The following GRIP1 variants were observed in gnomAD, a reference collection of about 807,000 sequenced individuals.
GRIP1 encodes glutamate receptor-interacting protein 1.
Under a neutral mutation model 129.9 loss-of-function variants are expected in GRIP1, and 45 were observed. The ratio of observed to expected loss-of-function variants is 0.35; its 90% CI spans 0.27 to 0.44. The LOEUF is 0.44. Ranked by LOEUF, GRIP1 falls within the 20% of genes least tolerant of loss-of-function variation. The pLI is 1.00. For missense variants in GRIP1, 1,196 were observed against 1,396.8 expected, an observed-to-expected ratio of 0.86 and a Z score of 2.29; for synonymous variants, 530 against 520.8, an observed-to-expected ratio of 1.02 and a Z score of -0.24.
intron 7 of GRIP1, among the ~76,000 whole-genome samples, chr12:66,515,366 A>C (rs1592463628): frequency 1.3e-5 from 2 of 152,162 alleles, no homozygotes; most frequent in Admixed American, 1.3e-4. Flanking sequence ...CACATAGAAG[A>C]GCTGATTGCT....
At chr12:66,775,613 A>G (rs930168519) in intron 1 of GRIP1, among the ~76,000 whole-genome samples, 1 of 152,134 alleles carries the variant, frequency 6.6e-6, no homozygotes, top group Non-Finnish European at 1.5e-5. Flanking sequence ...TCTGTGGTCA[A>G]TCAGCTATAA....
At chr12:67,019,839 C>T (rs944430986) in intron 1 of GRIP1, among the ~76,000 whole-genome samples, 1 of 152,020 alleles carries the variant, frequency 6.6e-6, no homozygotes, top group Non-Finnish European at 1.5e-5. Flanking sequence ...CACATACACA[C>T]ACGAAAGATT....
At chr12:66,877,165 C>G (rs914926118) in intron 1 of GRIP1, among the ~76,000 whole-genome samples, 1 of 151,908 alleles carries the variant, frequency 6.6e-6, no homozygotes, top group Non-Finnish European at 1.5e-5. Context: ...CACCTGTAAC[C>G]GACAGCATTT....
At position 66,496,691 on chromosome 12, in the gene GRIP1, A is replaced by G. The variant is rs2060247291; in HGVS notation, c.724+18928T>C. 2.0e-5 allele frequency among the ~76,000 whole-genome samples: 3 copies of G among 152,176 alleles called. 1 individual carries two copies. In the South Asian group the frequency reaches 6.2e-4, roughly 32 times the overall value. On this transcript the variant is annotated intron_variant, in intron 7 of 24. Coordinates refer to ENST00000359742, the MANE Select transcript of GRIP1 (RefSeq NM_001366722.1). ...AGAAATTGCTAATGAAAATTTGGGT[A>G]GGAAGTCATCTCTTGGTATGGGCCA... is the stretch of plus-strand genomic sequence containing the variant.
intron 16 of GRIP1, among the ~76,000 whole-genome samples, chr12:66,402,868 A>G (rs2057055894): frequency 6.6e-6 from 1 of 152,270 alleles, no homozygotes; most frequent in South Asian, 2.1e-4. Flanking sequence ...TTTTCCACTC[A>G]GTCATATCTT....
chr12:66,932,974 A>T (rs1053552249), intron 1 of GRIP1, among the ~76,000 whole-genome samples: 3 of 152,160 alleles, frequency 2.0e-5, no homozygotes, highest in Non-Finnish European at 4.4e-5. Context: ...GCCCAATATC[A>T]GTGTATTTTA....
At chr12:66,935,735 A>G (rs1363701554) in intron 1 of GRIP1, among the ~76,000 whole-genome samples, 2 of 152,212 alleles carry the variant, frequency 1.3e-5, no homozygotes, top group African/African-American at 4.8e-5. Flanking sequence ...AGTGACGTAC[A>G]GGAATCGGAA....
chr12:66,425,127 T>G (rs1009289172), intron 14 of GRIP1, among the ~76,000 whole-genome samples: 6 of 152,200 alleles, frequency 3.9e-5, no homozygotes, highest in African/African-American at 1.4e-4. Context: ...ACCTTCATAT[T>G]TGATTGACTA....
At chr12:66,529,134 A>T (rs368061018) in intron 5 of GRIP1, among the ~76,000 whole-genome samples, 50 of 148,162 alleles carry the variant, frequency 3.4e-4, no homozygotes, top group African/African-American at 1.2e-3. Context: ...ATCAAAAAAT[A>T]AAAAAAAAAA....
chr12:66,876,268 T>C (rs2040381708), intron 1 of GRIP1, among the ~76,000 whole-genome samples: 1 of 152,070 alleles, frequency 6.6e-6, no homozygotes, highest in African/African-American at 2.4e-5. Flanking sequence ...CTGTCATTCA[T>C]GGTTGTCATG....
At chr12:66,527,825 GGGA>G (rs1167471987) in intron 5 of GRIP1, among the ~76,000 whole-genome samples, 17 of 152,058 alleles carry the variant, frequency 1.1e-4, no homozygotes, top group Admixed American at 9.2e-4. Context: ...GTTGGAGGGT[GGGA>G]GGAGGAGGAG....
At chr12:66,522,962 G>A (rs951610663) in intron 5 of GRIP1, among the ~76,000 whole-genome samples, 3 of 152,136 alleles carry the variant, frequency 2.0e-5, no homozygotes, top group African/African-American at 7.2e-5. Context: ...AATGAAGCAA[G>A]AAGGGAAATT....
intron 1 of GRIP1, among the ~76,000 whole-genome samples, chr12:66,627,526 G>C (rs1274127094): frequency 6.6e-6 from 1 of 152,212 alleles, no homozygotes; most frequent in African/African-American, 2.4e-5. Flanking sequence ...AGTTACTGTA[G>C]TGGACGAGTA....
At chr12:66,470,822 C>T (rs530533357) in intron 7 of GRIP1, among the ~76,000 whole-genome samples, 12 of 152,216 alleles carry the variant, frequency 7.9e-5, no homozygotes, top group South Asian at 4.2e-4. Context: ...ACTCTGGGGG[C>T]AGAAATAATA....
At chr12:66,616,061 T>C (rs2065027588) in intron 1 of GRIP1, among the ~76,000 whole-genome samples, 1 of 152,196 alleles carries the variant, frequency 6.6e-6, no homozygotes, top group Admixed American at 6.5e-5. Flanking sequence ...TTTTAACTGA[T>C]GCTTACAGTT....
chr12:66,360,968 C>T (rs989552770), intron 23 of GRIP1, among the ~76,000 whole-genome samples: 4 of 152,212 alleles, frequency 2.6e-5, no homozygotes, highest in Non-Finnish European at 4.4e-5. Context: ...ACAGTTTTCC[C>T]ATAAATCACC....
chr12:66,963,990 G>C (rs535461887), intron 1 of GRIP1, among the ~76,000 whole-genome samples: 30 of 152,128 alleles, frequency 2.0e-4, no homozygotes, highest in Middle Eastern at 3.4e-3. Context: ...AAGCCCTATA[G>C]ACAATCACAT....
chr12:66,948,814 T>A (rs2041710785), intron 1 of GRIP1, among the ~76,000 whole-genome samples: 1 of 151,828 alleles, frequency 6.6e-6, no homozygotes, highest in South Asian at 2.1e-4. Context: ...AGGAACAAAT[T>A]CCTAACTTCC....
intron 19 of GRIP1, among the ~76,000 whole-genome samples, chr12:66,384,491 GACAAAGT>G (rs1187755554): frequency 6.6e-6 from 1 of 152,188 alleles, no homozygotes; most frequent in Admixed American, 6.5e-5. Flanking sequence ...CAGATGGACT[GACAAAGT>G]ATTTGGGGAC....
Sources: gnomAD v4.1 joint callset for allele counts (sites outside exome capture counted in the v4.1 genomes callset) on GRCh38, gnomAD v4.1.1 for gene constraint, MANE v1.5 for transcripts, NCBI Gene and HGNC (gene_info 2026-07-23, HGNC 2026-07-21) for gene names.